Variants in NCBP2 observed in about 807,000 individuals in gnomAD.
NCBP2 encodes nuclear cap-binding protein subunit 2.
A neutral mutation model predicts 21.5 loss-of-function variants in NCBP2; 8 were observed. The observed-to-expected ratio is 0.37, with a 90% CI of 0.22 to 0.67. The LOEUF (loss-of-function observed/expected upper bound fraction) is 0.67. Ranked by LOEUF, NCBP2 falls within the 30% of genes least tolerant of loss-of-function variation. NCBP2 has a pLI of 0.56. For missense variants in NCBP2, 127 were observed against 206.9 expected, an observed-to-expected ratio of 0.61 and a Z score of 2.37; for synonymous variants, 92 against 75.8, an observed-to-expected ratio of 1.21 and a Z score of -1.11.
In NCBP2 at chr3:196,936,882, G is replaced by A. The variant is rs1437632972; in HGVS notation, c.*129C>T. On this transcript the variant is annotated 3_prime_UTR_variant, in exon 4 of 4. Transcript: ENST00000321256. ...ATTCTGTCCTTTAATAACTTTCAGA[G>A]GCTTCCAGCTCAGTAAAGACACTGA... is the stretch of plus-strand genomic sequence containing the variant. The A allele has an allele frequency of 1.2e-6, 1 of 804,118 alleles. No individual in the cohort carries two copies. Among genetic ancestry groups the A allele is most frequent in the African/African-American group, 1.7e-5 (1 of 58,270 alleles). The allele number at this position is 804,118 out of a possible 1,614,324, so 49.8% of individuals were successfully genotyped here. A position where few individuals can be genotyped will look rare whatever the true frequency, so the allele number is the denominator to read the frequency against.
chr3:196,939,320 C>T lies in NCBP2; in HGVS notation c.191G>A (p.Gly64Asp), dbSNP rs768397521. ...ACCCATAATGATTTTCTTTATGTCA[C>T]CACTTTTGCTGAAGAGTTCATAGAT... ...EQIYELFSKSGDIKKIIMGLD... is the reference protein window; with the variant it reads ...EQIYELFSKSDDIKKIIMGLD... Residue 64 changes from glycine to aspartate, a missense_variant, in exon 2 of 4, where the codon GGT becomes GAT. Coordinates refer to ENST00000321256, the MANE Select transcript of NCBP2 (RefSeq NM_007362.5). 6.2e-7 allele frequency: 1 copy of T among 1,613,570 alleles called. No individual in the cohort carries two copies. The highest frequency in any genetic ancestry group is 8.5e-7 in the Non-Finnish European group (1 of 1,179,608).
rs890863243 is a variant in NCBP2 at position 196,936,748 on chromosome 3, G to C, written c.*263C>G. ...TGGCTAAAGACTAATCAACATTACAGATCCAATCTGTTGTCAAAGAACACA... is the reference window on the plus strand; with the variant it reads ...TGGCTAAAGACTAATCAACATTACACATCCAATCTGTTGTCAAAGAACACA... On this transcript the variant is annotated 3_prime_UTR_variant, in exon 4 of 4. Transcript: ENST00000321256. The C allele has an allele frequency of 1.9e-6, 1 of 539,832 alleles. No homozygotes were observed. The highest frequency in any genetic ancestry group is 3.3e-6 in the Non-Finnish European group (1 of 300,578). The allele number at this position is 539,832 out of a possible 1,614,324, so 33.4% of individuals were successfully genotyped here. A position where few individuals can be genotyped will look rare whatever the true frequency, so the allele number is the denominator to read the frequency against.
chr3:196,941,976 C>T, intron 1 of NCBP2: 1 of 1,536,312 alleles, frequency 6.5e-7, no homozygotes, highest in Non-Finnish European at 8.7e-7. Context: ...GAGAAGGGGC[C>T]CGAATCGCCG....
At chr3:196,941,893 C>G (rs566354479) in intron 1 of NCBP2, 1 of 1,535,512 alleles carries the variant, frequency 6.5e-7, no homozygotes, top group South Asian at 1.2e-5. Context: ...CCGAAGCTTC[C>G]CCGAGGGCGG....
rs1471987780 is a variant in NCBP2, at chr3:196,942,420, C to A, written c.78+6G>T. ...CCTTCCCGTCTCGCGGCCCGGCCTC[C>A]CTCACCCGGAAGTGCTGGTCCCGGT... On this transcript the variant is annotated splice_donor_region_variant and intron_variant, in intron 1 of 3. Transcript: ENST00000321256. The A allele has an allele frequency of 6.2e-7, 1 of 1,612,060 alleles. No individual in the cohort carries two copies. The highest frequency in any genetic ancestry group is 1.1e-5 in the South Asian group (1 of 90,738).
intron 1 of NCBP2, chr3:196,941,233 C>G (rs1316025204): frequency 6.6e-6 from 1 of 152,194 alleles, no homozygotes; most frequent in Non-Finnish European, 1.5e-5. Flanking sequence ...GCTGGGATTA[C>G]AAGCGCCTGC....
Position 196,937,508 on chromosome 3 carries a change from A to ATCG in NCBP2, c.399+1_399+2insCGA. 1 of 1,614,026 alleles carries ATCG rather than the reference A, an allele frequency of 6.2e-7. No homozygotes were observed. The highest frequency in any genetic ancestry group is 8.5e-7 in the Non-Finnish European group (1 of 1,180,016). On this transcript the variant is annotated splice_donor_variant, in intron 3 of 3. Coordinates refer to ENST00000321256, the MANE Select transcript of NCBP2 (RefSeq NM_007362.5). LOFTEE classifies it high-confidence loss of function. ...CTGAGCCCAGAGACCCTTCTTGCATACCTGGCCCCCAGATCGCCCACGGCC... is the reference window on the plus strand; with the variant it reads ...CTGAGCCCAGAGACCCTTCTTGCATATCGCCTGGCCCCCAGATCGCCCACGGCC...
At chr3:196,942,129 C>G in intron 1 of NCBP2, 1 of 1,466,104 alleles carries the variant, frequency 6.8e-7, no homozygotes, top group Non-Finnish European at 8.9e-7. Context: ...ACCGTGGAAA[C>G]GGGAGCCGCC....
At chr3:196,939,539 TCTCTC>T in intron 1 of NCBP2, 107 bp from the exon 2 acceptor site, 1 of 878,790 alleles carries the variant, frequency 1.1e-6, no homozygotes, top group South Asian at 1.8e-5. Flanking sequence ...GAAATCAACT[TCTCTC>T]ATCCCAGCCT....
intron 2 of NCBP2, 125 bp downstream of exon 2, chr3:196,939,126 C>G (rs1487618028): frequency 2.7e-6 from 2 of 752,370 alleles, no homozygotes; most frequent in Non-Finnish European, 2.3e-6. Flanking sequence ...AGGGCAGAGA[C>G]ACACTGGGTG....
rs547679541 is a variant in NCBP2, at chr3:196,937,007, C to G, written c.*4G>C. The G allele has an allele frequency of 2.5e-6, 4 of 1,614,012 alleles. 1 individual carries two copies. In the South Asian group the frequency reaches 3.3e-5, roughly 13 times the overall value. On this transcript the variant is annotated 3_prime_UTR_variant, in exon 4 of 4. Transcript: ENST00000321256. ...GTGTTTGTCACTGACAGAGCTCTCA[C>G]CACTCACTGGTTCTGTGCCAGTTTT...
intron 1 of NCBP2, chr3:196,942,008 T>TA (rs1010074992): frequency 2.9e-5 from 44 of 1,535,924 alleles, no homozygotes; most frequent in Non-Finnish European, 3.7e-5. Context: ...TTCGCCGATT[T>TA]AAAAAACAAA....
intron 1 of NCBP2, chr3:196,940,024 A>G (rs1330142052): frequency 3.3e-5 from 5 of 152,272 alleles, no homozygotes; most frequent in African/African-American, 7.2e-5. Context: ...TAAGCATATA[A>G]CTGGGCTTCA....
rs1216317272 is a variant in NCBP2 at position 196,936,298 on chromosome 3, C to G, written c.*713G>C. The G allele has an allele frequency of 1.3e-5, 2 of 152,308 alleles. No homozygotes were observed. The highest frequency in any genetic ancestry group is 4.8e-5 in the African/African-American group (2 of 41,460). 9.4% of individuals were successfully genotyped at this position (152,308 alleles called of 1,614,324 possible). Reference sequence around the variant, plus strand: ...AAGCAGTGCTGTCCTGTGGAGATTGCTTTTGCACCAACTACACAGGAAGGT... The same window carrying G: ...AAGCAGTGCTGTCCTGTGGAGATTGGTTTTGCACCAACTACACAGGAAGGT... On this transcript the variant is annotated 3_prime_UTR_variant, in exon 4 of 4. Coordinates refer to ENST00000321256, the MANE Select transcript of NCBP2 (RefSeq NM_007362.5).
At chr3:196,939,153 TG>T in intron 2 of NCBP2, 97 bp downstream of exon 2, 1 of 1,052,126 alleles carries the variant, frequency 9.5e-7, no homozygotes, top group South Asian at 1.4e-5. Context: ...AGGAGGGAGA[TG>T]AAGGAAAACG....
chr3:196,937,241 G>T, intron 3 of NCBP2, 159 bp from the exon 4 acceptor site: 1 of 829,394 alleles, frequency 1.2e-6, no homozygotes, highest in Non-Finnish European at 2.0e-6. Context: ...AGTGCGTTTT[G>T]CTTTCATTTT....
At chr3:196,937,443 C>G in intron 3 of NCBP2, 67 bp downstream of exon 3, 1 of 1,592,686 alleles carries the variant, frequency 6.3e-7, no homozygotes, top group Non-Finnish European at 8.5e-7. Flanking sequence ...ATACAAATTG[C>G]CAAAACACCT....
chr3:196,937,391 C>T lies in NCBP2; in HGVS notation c.399+119G>A, dbSNP rs1292788976. 2.0e-6 allele frequency: 3 copies of T among 1,468,680 alleles called. No homozygotes were observed. The African/African-American group carries it at 4.2e-5, about 21-fold the overall frequency. 91.0% of individuals were successfully genotyped at this position (1,468,680 alleles called of 1,614,324 possible). A position where few individuals can be genotyped will look rare whatever the true frequency, so the allele number is the denominator to read the frequency against. ...CGTTGGGTGGTTTTCAGATCCACTT[C>T]AAGCCAAGGTTATAGACACAAAGTT... On this transcript the variant is annotated intron_variant, in intron 3 of 3. Coordinates refer to ENST00000321256, the MANE Select transcript of NCBP2 (RefSeq NM_007362.5).
In NCBP2 at chr3:196,942,456, C is replaced by T; in HGVS notation, c.48G>A (p.Glu16=). 1 of 1,613,322 alleles carries T rather than the reference C, an allele frequency of 6.2e-7. No homozygotes were observed. Among genetic ancestry groups the T allele is most frequent in the Non-Finnish European group, 8.5e-7 (1 of 1,179,936 alleles). ...LKALRSDSYV[E]LSQYRDQHFR... is the part of the protein sequence containing the mutation. ...AGTGCTGGTCCCGGTACTGGCTCAG[C>T]TCCACGTAGGAGTCGCTGCGCAGCG... Residue 16 remains glutamate (E), a synonymous_variant, in exon 1 of 4, where the codon GAG becomes GAA. Coordinates refer to ENST00000321256, the MANE Select transcript of NCBP2 (RefSeq NM_007362.5).
Sources: allele counts gnomAD v4.1 joint callset, GRCh38; gene constraint gnomAD v4.1.1; transcripts MANE v1.5; gene names NCBI Gene and HGNC (gene_info 2026-07-23, HGNC 2026-07-21).